The following MOB1A variants were observed in gnomAD, a reference collection of about 807,000 sequenced individuals.
The protein encoded by MOB1A is MOB kinase activator 1A, also known as MOB1 Mps One Binder homolog A.
In MOB1A, 10 loss-of-function variants were observed where a neutral mutation model predicts 25.1. The observed-to-expected ratio is 0.40, with a 90% CI of 0.25 to 0.68. MOB1A has a LOEUF of 0.68. Ranked by LOEUF, MOB1A falls within the 30% of genes least tolerant of loss-of-function variation. The pLI, the probability that MOB1A is intolerant of heterozygous loss-of-function variation, is 0.40. For missense variants in MOB1A, 177 were observed against 256.3 expected, an observed-to-expected ratio of 0.69 and a Z score of 2.11; for synonymous variants, 81 against 79.5, an observed-to-expected ratio of 1.02 and a Z score of -0.10.
At chr2:74,166,265 T>C (rs1021926463) in intron 3 of MOB1A, among the ~76,000 whole-genome samples, 5 of 152,138 alleles carry the variant, frequency 3.3e-5, no homozygotes, top group East Asian at 1.9e-4. Context: ...AGCCAGATAA[T>C]TACTTCTAAA....
At chr2:74,165,520 A>G (rs1056101498) in intron 3 of MOB1A, among the ~76,000 whole-genome samples, 169 bp from the exon 4 acceptor site, 4 of 152,226 alleles carry the variant, frequency 2.6e-5, no homozygotes, top group African/African-American at 9.6e-5. Context: ...GTAATTATCC[A>G]GAAAGTGACA....
At chr2:74,158,194 A>AAGG (rs1553444306) in intron 5 of MOB1A, among the ~76,000 whole-genome samples, 1 of 94,374 alleles carries the variant, frequency 1.1e-5, no homozygotes, top group African/African-American at 6.7e-5. Context: ...AAAAAAAAAA[A>AAGG]GAGGGGGGAA....
chr2:74,173,561 T>C (rs1478771903), intron 1 of MOB1A, among the ~76,000 whole-genome samples: 1 of 151,252 alleles, frequency 6.6e-6, no homozygotes, highest in East Asian at 2.0e-4. Context: ...TTTTTTTTTT[T>C]AGTAGAGATG....
chr2:74,178,784 G>GCCGCCGCC lies in MOB1A; in HGVS notation c.-118_-111dup. The GCCGCCGCC allele has an allele frequency of 1.1e-5, 3 of 276,328 alleles. No individual in the cohort carries two copies. Among genetic ancestry groups the GCCGCCGCC allele is most frequent in the Admixed American group, 5.8e-5 (1 of 17,330 alleles). 17.1% of individuals were successfully genotyped at this position (276,328 alleles called of 1,614,324 possible). ...TTAGCTCACGGGCAGCGGAAGCCGG[G>GCCGCCGCC]CCGCCGCCGCTCGGAGCCGGGTTTC... is the stretch of plus-strand genomic sequence containing the variant. On this transcript the variant is annotated 5_prime_UTR_variant, in exon 1 of 6. Transcript: ENST00000396049.
chr2:74,172,606 T>C lies in MOB1A; in HGVS notation c.161A>G (p.Asn54Ser), dbSNP rs768953660. 2.5e-6 allele frequency: 4 copies of C among 1,613,494 alleles called. No homozygotes were observed. Among genetic ancestry groups the C allele is most frequent in the Non-Finnish European group, 3.4e-6 (4 of 1,179,694 alleles). The change falls in exon 2 of 6, where the codon AAT (asparagine) becomes AGT (serine). Residue 54 changes from asparagine (N) to serine (S), a missense_variant. Asn to Ser is a conservative substitution (Grantham distance 46, BLOSUM62 1). Transcript: ENST00000396049. ...AVMLPEGEDL[N>S]EWIAVNTVDF... ...CTTACTGTTCACAGCAATCCATTCA[T>C]TGAGATCCTCTCCCTCAGGCAACAT...
chr2:74,174,361 C>G (rs537144798), intron 1 of MOB1A, among the ~76,000 whole-genome samples: 2 of 151,820 alleles, frequency 1.3e-5, no homozygotes, highest in Admixed American at 6.6e-5. Context: ...TTTGAGAGAC[C>G]AAGGCAGGAG....
rs72919208 is a variant in MOB1A at position 74,172,917 on chromosome 2, C to T, written c.15-165G>A. 0.016 allele frequency: 11,362 copies of T among 701,288 alleles called. 963 individuals carry two copies. In the African/African-American group the frequency reaches 0.18, roughly 11 times the overall value. 43.4% of individuals were successfully genotyped at this position (701,288 alleles called of 1,614,324 possible). On this transcript the variant is annotated intron_variant, in intron 1 of 5. Transcript: ENST00000396049. Reference sequence around the variant, plus strand: ...CTGTAATCCCAGCACTTTGGGATCACCTGAGGTCAGGAGTTCAAGACCAGC... The same window carrying T: ...CTGTAATCCCAGCACTTTGGGATCATCTGAGGTCAGGAGTTCAAGACCAGC...
At chr2:74,174,530 A>G (rs4083173) in intron 1 of MOB1A, among the ~76,000 whole-genome samples, 25,512 of 152,076 alleles carry the variant, frequency 0.17, 2,559 homozygotes, top group East Asian at 0.38. Context: ...AAACCACAGT[A>G]AAAGAAACAC....
Position 74,178,785 on chromosome 2 carries a change from C to T in MOB1A, c.-111G>A. On this transcript the variant is annotated 5_prime_UTR_variant, in exon 1 of 6. Transcript: ENST00000396049. Reference sequence around the variant, plus strand: ...TAGCTCACGGGCAGCGGAAGCCGGGCCGCCGCCGCTCGGAGCCGGGTTTCT... The same window carrying T: ...TAGCTCACGGGCAGCGGAAGCCGGGTCGCCGCCGCTCGGAGCCGGGTTTCT... The T allele has an allele frequency of 2.0e-6, 1 of 508,010 alleles. No homozygotes were observed. Among genetic ancestry groups the T allele is most frequent in the Admixed American group, 4.8e-5 (1 of 20,694 alleles). The allele number at this position is 508,010 out of a possible 1,614,324, so 31.5% of individuals were successfully genotyped here.
intron 4 of MOB1A, among the ~76,000 whole-genome samples, chr2:74,160,833 C>A (rs917377112): frequency 6.6e-6 from 1 of 152,014 alleles, no homozygotes; most frequent in African/African-American, 2.4e-5. Flanking sequence ...CATTAGAAAA[C>A]AGGGACAGAC....
chr2:74,172,621 T>C lies in MOB1A; in HGVS notation c.146A>G (p.Glu49Gly), dbSNP rs1318749100. 1.9e-6 allele frequency: 3 copies of C among 1,613,896 alleles called. No homozygotes were observed. In the South Asian group the frequency reaches 3.3e-5, roughly 18 times the overall value. ...AATCCATTCATTGAGATCCTCTCCC[T>C]CAGGCAACATAACAGCTTGTCTCAG... is the stretch of plus-strand genomic sequence containing the variant. ...GNLRQAVMLP[E>G]GEDLNEWIAV... is the part of the protein sequence containing the mutation. Residue 49 changes from glutamate to glycine, a missense_variant, in exon 2 of 6, where the codon GAG becomes GGG. Glu to Gly is a moderately conservative substitution (Grantham distance 98). Transcript: ENST00000396049.
At chr2:74,177,082 G>A (rs1693495806) in intron 1 of MOB1A, among the ~76,000 whole-genome samples, 1 of 152,126 alleles carries the variant, frequency 6.6e-6, no homozygotes, top group African/African-American at 2.4e-5. Context: ...GGCCGAGTGC[G>A]GGAGTGGATC....
At chr2:74,166,448 TTC>T (rs1474096170) in intron 3 of MOB1A, among the ~76,000 whole-genome samples, 1 of 152,210 alleles carries the variant, frequency 6.6e-6, no homozygotes, top group African/African-American at 2.4e-5. Context: ...TAACTCAAAT[TTC>T]TGTTTATTCC....
At chr2:74,167,180 AC>A in intron 2 of MOB1A, 73 bp from the exon 3 acceptor site, 1 of 1,102,780 alleles carries the variant, frequency 9.1e-7, no homozygotes, top group Non-Finnish European at 1.4e-6. Context: ...TGAAGGAAAA[AC>A]AGACAATACA....
At position 74,165,201 on chromosome 2, in the gene MOB1A, C is replaced by T. The variant is rs771557875; in HGVS notation, c.409+17G>A. The T allele has an allele frequency of 1.3e-5, 19 of 1,487,134 alleles. No individual in the cohort carries two copies. Among genetic ancestry groups the T allele is most frequent in the East Asian group, 7.6e-5 (3 of 39,724 alleles). 92.1% of individuals were successfully genotyped at this position (1,487,134 alleles called of 1,614,324 possible). ...AATTTTAAAAAAAGAAAGAATACTT[C>T]GACAATGTTAACTCACCAATCTTAG... is the stretch of plus-strand genomic sequence containing the variant. On this transcript the variant is annotated intron_variant, in intron 4 of 5. Transcript: ENST00000396049.
chr2:74,153,529 T>A lies in MOB1A; in HGVS notation c.*3039A>T, dbSNP rs543799183. On this transcript the variant is annotated 3_prime_UTR_variant, in exon 6 of 6. Coordinates refer to ENST00000396049, the MANE Select transcript of MOB1A (RefSeq NM_018221.5). ...CAAGCCTTAGATGAAAGGAAAAACT[T>A]TGCTGGAAGCCCTGTAAAAATCACT... 2.6e-5 allele frequency: 4 copies of A among 152,334 alleles called. No individual in the cohort carries two copies. In the South Asian group the frequency reaches 8.3e-4, roughly 32 times the overall value. 9.4% of individuals were successfully genotyped at this position (152,334 alleles called of 1,614,324 possible). A position where few individuals can be genotyped will look rare whatever the true frequency, so the allele number is the denominator to read the frequency against.
Position 74,156,542 on chromosome 2 carries a change from G to A in MOB1A, c.*26C>T. 2 of 1,462,720 alleles carry A rather than the reference G, an allele frequency of 1.4e-6. No homozygotes were observed. The highest frequency in any genetic ancestry group is 1.9e-6 in the Non-Finnish European group (2 of 1,066,230). The allele number at this position is 1,462,720 out of a possible 1,614,324, so 90.6% of individuals were successfully genotyped here. ...AGTTCTAGCAATAGATGAAGCAAGG[G>A]GGTAACTGTGTTCTAGAAGAAACAT... is the stretch of plus-strand genomic sequence containing the variant. On this transcript the variant is annotated 3_prime_UTR_variant, in exon 6 of 6. Transcript: ENST00000396049.
At position 74,172,803 on chromosome 2, in the gene MOB1A, C is replaced by G. The variant is rs779434713; in HGVS notation, c.15-51G>C. 6.5e-6 allele frequency: 10 copies of G among 1,537,898 alleles called. No homozygotes were observed. The Admixed American group carries it at 1.9e-4, about 29-fold the overall frequency. Reference sequence around the variant, plus strand: ...TGAATTTTTAAGACTGGAAGTAGAACAGGTAGAACAACATAATTTTAGGTA... The same window carrying G: ...TGAATTTTTAAGACTGGAAGTAGAAGAGGTAGAACAACATAATTTTAGGTA... On this transcript the variant is annotated intron_variant, in intron 1 of 5. Transcript: ENST00000396049.
chr2:74,156,740 G>A, intron 5 of MOB1A, 95 bp from the exon 6 acceptor site: 1 of 824,510 alleles, frequency 1.2e-6, no homozygotes, highest in East Asian at 2.7e-5. Context: ...CTAGTTTTCT[G>A]AAGTCCAAAA....
Sources: allele counts gnomAD v4.1 joint callset (sites outside exome capture counted in the v4.1 genomes callset), GRCh38; gene constraint gnomAD v4.1.1; transcripts MANE v1.5; gene names NCBI Gene and HGNC (gene_info 2026-07-23, HGNC 2026-07-21).